JPH3: variants seen among roughly 807,000 people sequenced by gnomAD.
JPH3 encodes the protein junctophilin 3, also known as junctophilin-3.
In JPH3, 11 loss-of-function variants were observed where a neutral mutation model predicts 59.6. The observed-to-expected ratio is 0.18, with a 90% CI of 0.12 to 0.31. The LOEUF is 0.31. Among genes scored for constraint, JPH3 ranks in the 10% least tolerant of loss-of-function variants. The pLI is 1.00. For synonymous variants in JPH3, 673 were observed against 483.6 expected (o/e 1.39, Z -5.14); for missense variants, 1,202 against 1,105.7 (o/e 1.09, Z -1.24).
chr16:87,690,059 G>T lies in JPH3; in HGVS notation c.1699G>T (p.Gly567Trp). ...CCGAGGTTCGGGCCGCAAGCAGCCC[G>T]GGAACCCCAAGCCGCGGGAGCGGCG... ...RTRGSGRKQP[G>W]NPKPRERRTE... The change falls in exon 4 of 5, where the codon GGG becomes TGG. Residue 567 changes from glycine to tryptophan, a missense_variant. Gly to Trp is a radical substitution (Grantham distance 184). Transcript: ENST00000284262. 1 of 1,572,446 alleles carries T rather than the reference G, an allele frequency of 6.4e-7. No homozygotes were observed. Among genetic ancestry groups the T allele is most frequent in the African/African-American group, 1.4e-5 (1 of 73,514 alleles).
rs116253567 is a variant in JPH3 at position 87,682,143 on chromosome 16, C to T, written c.1161-1999C>T. Reference sequence around the variant, plus strand: ...TCTTGGAGCCCTGGTGGGGCATTCCCAGCAGCTTGCTTCATTTCCTGGACA... The same window carrying T: ...TCTTGGAGCCCTGGTGGGGCATTCCTAGCAGCTTGCTTCATTTCCTGGACA... On this transcript the variant is annotated intron_variant, in intron 2 of 4. Transcript: ENST00000284262. 7.6e-3 allele frequency among the ~76,000 whole-genome samples: 1,159 copies of T among 152,330 alleles called. 18 individuals are homozygous for T. Among genetic ancestry groups the T allele is most frequent in the African/African-American group, 0.027 (1,109 of 41,560 alleles).
At chr16:87,687,220 C>G (rs2033440378) in intron 3 of JPH3, among the ~76,000 whole-genome samples, 1 of 152,162 alleles carries the variant, frequency 6.6e-6, no homozygotes. Flanking sequence ...CAGTCGTCCT[C>G]ACAGCCAGGA....
At chr16:87,616,861 C>T (rs532500861) in intron 1 of JPH3, among the ~76,000 whole-genome samples, 5 of 152,288 alleles carry the variant, frequency 3.3e-5, no homozygotes, top group South Asian at 4.1e-4. Flanking sequence ...AAGTACAGTT[C>T]GTCATTTTGG....
At chr16:87,661,005 T>A (rs773478266) in intron 2 of JPH3, among the ~76,000 whole-genome samples, 25 of 152,362 alleles carry the variant, frequency 1.6e-4, no homozygotes, top group Non-Finnish European at 3.4e-4. Context: ...TTGTAGAATA[T>A]TTGTATGCAC....
intron 2 of JPH3, among the ~76,000 whole-genome samples, chr16:87,678,666 T>G (rs541942732): frequency 6.6e-6 from 1 of 152,236 alleles, no homozygotes; most frequent in South Asian, 2.1e-4. Context: ...TCCAACTTCT[T>G]GGAATAAGGG....
intron 1 of JPH3, among the ~76,000 whole-genome samples, chr16:87,641,494 G>C (rs569142967): frequency 6.6e-6 from 1 of 152,284 alleles, no homozygotes; most frequent in Non-Finnish European, 1.5e-5. Context: ...AAAGTGGGAC[G>C]AGGCTGAAGC....
Position 87,624,391 on chromosome 16 carries a change from C to T in JPH3, c.383-19867C>T, listed in dbSNP as rs547329671. ...TGTGGGTTTGCTGCTCCTGACGTTT[C>T]GCATGCGTGGAGTCATACGCTGAGA... On this transcript the variant is annotated intron_variant, in intron 1 of 4. Coordinates refer to ENST00000284262, the MANE Select transcript of JPH3 (RefSeq NM_020655.4). Among the ~76,000 whole-genome samples, 6 of 152,290 alleles carry T rather than the reference C, an allele frequency of 3.9e-5. No individual in the cohort carries two copies. The South Asian group carries it at 8.3e-4, about 21-fold the overall frequency.
intron 2 of JPH3, among the ~76,000 whole-genome samples, chr16:87,674,333 A>AG (rs1364113574): frequency 4.5e-5 from 3 of 66,818 alleles, no homozygotes. Context: ...ACTCCGTCTC[A>AG]AAAAAAAACA....
Position 87,689,639 on chromosome 16 carries a change from C to T in JPH3, c.1286-7C>T, listed in dbSNP as rs775235536. The T allele has an allele frequency of 2.5e-6, 4 of 1,610,902 alleles. No individual in the cohort carries two copies. Among genetic ancestry groups the T allele is most frequent in the South Asian group, 2.2e-5 (2 of 90,706 alleles). Reference sequence around the variant, plus strand: ...GCCGTCTGGCGTCGTCTTGTGTCCCCATACAGGGCTGGAGTACCAGAGGCC... The same window carrying T: ...GCCGTCTGGCGTCGTCTTGTGTCCCTATACAGGGCTGGAGTACCAGAGGCC... On this transcript the variant is annotated splice_polypyrimidine_tract_variant and splice_region_variant and intron_variant, in intron 3 of 4. Coordinates refer to ENST00000284262, the MANE Select transcript of JPH3 (RefSeq NM_020655.4).
rs1172249015 is a variant in JPH3 at position 87,602,545 on chromosome 16, GCCA to G, written c.-599_-597del. 1.8e-4 allele frequency among the ~76,000 whole-genome samples: 25 copies of G among 136,762 alleles called. No individual in the cohort carries two copies. Among genetic ancestry groups the G allele is most frequent in the African/African-American group, 5.5e-4 (21 of 38,444 alleles). 89.7% of individuals were successfully genotyped at this position (136,762 alleles called of 152,430 possible). ...CGGGCCCGGAGCGCACGCCGCCGCC[GCCA>G]CCGCCGCCGCCGCCGCCCGAGCCGC... On this transcript the variant is annotated 5_prime_UTR_variant, in exon 1 of 5. Coordinates refer to ENST00000284262, the MANE Select transcript of JPH3 (RefSeq NM_020655.4).
intron 1 of JPH3, among the ~76,000 whole-genome samples, chr16:87,638,908 G>T (rs981159345): frequency 6.6e-6 from 1 of 152,036 alleles, no homozygotes; most frequent in Admixed American, 6.5e-5. Context: ...GATGTGAAGT[G>T]TGGCCCCCAG....
chr16:87,644,980 G>A lies in JPH3; in HGVS notation c.1105G>A (p.Ala369Thr), dbSNP rs1351968858. ...CGAGAAGGTGGACCGCGCCGTTGAG[G>A]CCGCTGAGCGGGCCGCCACCATCGC... The part of the protein sequence containing the change: ...IREKVDRAVE[A>T]AERAATIAKQ... The change falls in exon 2 of 5, where the codon GCC (alanine) becomes ACC (threonine). Residue 369 changes from alanine (A) to threonine (T), a missense_variant. Coordinates refer to ENST00000284262, the MANE Select transcript of JPH3 (RefSeq NM_020655.4). The A allele has an allele frequency of 6.2e-7, 1 of 1,609,422 alleles. No homozygotes were observed. The highest frequency in any genetic ancestry group is 1.3e-5 in the African/African-American group (1 of 74,914).
intron 2 of JPH3, among the ~76,000 whole-genome samples, chr16:87,681,182 CCGGGAGG>C (rs1322703124): frequency 1.6e-5 from 2 of 128,872 alleles, no homozygotes; most frequent in African/African-American, 6.3e-5. Context: ...GATGACAGTT[CCGGGAGG>C]TCAGGTGCAC....
intron 2 of JPH3, among the ~76,000 whole-genome samples, chr16:87,648,936 C>T (rs908726557): frequency 5.3e-5 from 8 of 152,318 alleles, no homozygotes; most frequent in Admixed American, 4.6e-4. Flanking sequence ...TGAGCGTCCC[C>T]GGCTGTCTCC....
chr16:87,615,125 T>G (rs1162099562), intron 1 of JPH3, among the ~76,000 whole-genome samples: 1 of 152,246 alleles, frequency 6.6e-6, no homozygotes, highest in Non-Finnish European at 1.5e-5. Context: ...ACATGAGGGT[T>G]GGTGGCTCTC....
chr16:87,647,998 C>T (rs921779551), intron 2 of JPH3, among the ~76,000 whole-genome samples: 1 of 152,190 alleles, frequency 6.6e-6, no homozygotes, highest in African/African-American at 2.4e-5. Context: ...GCGGGGCTCC[C>T]TGCTCCCTGT....
At chr16:87,613,095 CT>C (rs1190988631) in intron 1 of JPH3, among the ~76,000 whole-genome samples, 6,703 of 128,224 alleles carry the variant, frequency 0.052, 146 homozygotes, top group African/African-American at 0.11. Flanking sequence ...CTTTCTTTCT[CT>C]TTTTTTTTTT....
chr16:87,671,396 G>A lies in JPH3; in HGVS notation c.1161-12746G>A, dbSNP rs74860076. On this transcript the variant is annotated intron_variant, in intron 2 of 4. Coordinates refer to ENST00000284262, the MANE Select transcript of JPH3 (RefSeq NM_020655.4). Reference sequence around the variant, plus strand: ...CAGGGCTGGGCACTCCACCCACCCCGGATGACAGCACCAGGCTCATGTGCC... The same window carrying A: ...CAGGGCTGGGCACTCCACCCACCCCAGATGACAGCACCAGGCTCATGTGCC... Among the ~76,000 whole-genome samples, 99 of 152,292 alleles carry A rather than the reference G, an allele frequency of 6.5e-4. No homozygotes were observed. The East Asian group carries it at 0.018, about 27-fold the overall frequency.
At chr16:87,669,781 A>G (rs2032967199) in intron 2 of JPH3, among the ~76,000 whole-genome samples, 2 of 152,196 alleles carry the variant, frequency 1.3e-5, no homozygotes, top group Admixed American at 1.3e-4. Flanking sequence ...GTCCAAGAGC[A>G]GTCACTGCTG....
Sources: gnomAD v4.1 joint callset for allele counts (sites outside exome capture counted in the v4.1 genomes callset) on GRCh38, gnomAD v4.1.1 for gene constraint, MANE v1.5 for transcripts, NCBI Gene and HGNC (gene_info 2026-07-23, HGNC 2026-07-21) for gene names.